The following KIF4A variants were observed in gnomAD, a reference collection of about 807,000 sequenced individuals.
KIF4A encodes the protein chromosome-associated kinesin KIF4A.
A neutral mutation model predicts 105.9 loss-of-function variants in KIF4A; 7 were observed. That is an observed-to-expected ratio of 0.07 (90% CI 0.04 to 0.12). KIF4A has a LOEUF of 0.12. Ranked by LOEUF, KIF4A falls within the 10% of genes least tolerant of loss-of-function variation. KIF4A has a pLI of 1.00. For synonymous variants in KIF4A, 281 were observed against 331.3 expected (o/e 0.85, Z 1.65); for missense variants, 558 against 929.2 (o/e 0.60, Z 5.19).
intron 15 of KIF4A, among the ~76,000 whole-genome samples, chrX:70,372,398 C>T (rs2086142395): frequency 8.9e-6 from 1 of 112,950 alleles, no homozygotes; most frequent in Admixed American, 9.3e-5. Flanking sequence ...CCCGGCACCT[C>T]GGGAGGCCGA....
chrX:70,379,890 T>C (rs2086190665), intron 18 of KIF4A, among the ~76,000 whole-genome samples: 1 of 111,061 alleles, frequency 9.0e-6, no homozygotes, highest in Admixed American at 9.6e-5. Context: ...ATGAGGTTTG[T>C]GTTCCCTGAT....
intron 6 of KIF4A, 61 bp downstream of exon 6, chrX:70,302,127 G>T: frequency 8.7e-7 from 1 of 1,143,433 alleles, no homozygotes; most frequent in Non-Finnish European, 1.2e-6. Flanking sequence ...TTAAACATTA[G>T]ACTGCTTCTT....
Position 70,290,650 on chromosome X carries a change from T to G in KIF4A, c.121-41T>G. The G allele has an allele frequency of 4.1e-6, 5 of 1,205,727 alleles. No individual in the cohort carries two copies. In the African/African-American group the frequency reaches 8.7e-5, roughly 21 times the overall value. Reference sequence around the variant, plus strand: ...TGGTAACGAGGGGTGTGGTCTTGCCTTTCATTTTTAACCTTACGCCTTGTC... The same window carrying G: ...TGGTAACGAGGGGTGTGGTCTTGCCGTTCATTTTTAACCTTACGCCTTGTC... On this transcript the variant is annotated intron_variant, in intron 2 of 30. Transcript: ENST00000374403.
At chrX:70,302,702 G>A (rs1226024971) in intron 7 of KIF4A, among the ~76,000 whole-genome samples, 1 of 111,631 alleles carries the variant, frequency 9.0e-6, no homozygotes, top group Non-Finnish European at 1.9e-5. Flanking sequence ...TCCTGATTCT[G>A]TCATTTTAAG....
chrX:70,315,681 C>T (rs913378033), intron 7 of KIF4A, among the ~76,000 whole-genome samples: 2 of 111,778 alleles, frequency 1.8e-5, no homozygotes, highest in Non-Finnish European at 3.8e-5. Context: ...AGCTAGCAGG[C>T]GTATTGCCAG....
intron 20 of KIF4A, among the ~76,000 whole-genome samples, chrX:70,394,419 G>C (rs965669971): frequency 1.8e-5 from 2 of 110,943 alleles, no homozygotes; most frequent in Non-Finnish European, 3.8e-5. Context: ...GCTCAGGCTG[G>C]TCTTGAACTA....
chrX:70,329,092 A>G (rs894649193), intron 7 of KIF4A, among the ~76,000 whole-genome samples: 1 of 112,060 alleles, frequency 8.9e-6, no homozygotes, highest in Non-Finnish European at 1.9e-5. Flanking sequence ...TAATTTAAAG[A>G]TTATCATAAT....
At chrX:70,415,286 T>C (rs2086338558) in intron 28 of KIF4A, 1 of 250,332 alleles carries the variant, frequency 4.0e-6, no homozygotes, top group Non-Finnish European at 7.4e-6. Context: ...TGTAAGACAA[T>C]TTCTTGTTTG....
intron 3 of KIF4A, among the ~76,000 whole-genome samples, chrX:70,292,351 A>G (rs1396363700): frequency 8.9e-6 from 1 of 112,485 alleles, no homozygotes; most frequent in Non-Finnish European, 1.9e-5. Flanking sequence ...ATTCTAAAAC[A>G]GTTCTTTAGT....
chrX:70,336,173 G>T (rs752668803), intron 10 of KIF4A, among the ~76,000 whole-genome samples: 67 of 112,051 alleles, frequency 6.0e-4, no homozygotes, highest in African/African-American at 2.1e-3. Flanking sequence ...TACCAGTTCA[G>T]AGAAGTCTTC....
chrX:70,324,042 G>C (rs1225212817), intron 7 of KIF4A, among the ~76,000 whole-genome samples: 1 of 110,876 alleles, frequency 9.0e-6, no homozygotes, highest in Non-Finnish European at 1.9e-5. Flanking sequence ...TGACCAGGCT[G>C]GTTTTGAACT....
At chrX:70,321,218 G>C (rs2085888772) in intron 7 of KIF4A, among the ~76,000 whole-genome samples, 1 of 111,486 alleles carries the variant, frequency 9.0e-6, no homozygotes, top group Admixed American at 9.5e-5. Context: ...TCTGGTCTTT[G>C]CACACTTTCA....
chrX:70,375,362 A>G lies in KIF4A; in HGVS notation c.1923+14A>G. 8.4e-7 allele frequency: 1 copy of G among 1,192,953 alleles called. No homozygotes were observed. On this transcript the variant is annotated intron_variant, in intron 17 of 30. Transcript: ENST00000374403. ...CAGGAGATACGGGTAATAAATTCTC[A>G]TCCTTGCATTTACCCCCATTGGAAT...
intron 11 of KIF4A, 96 bp from the exon 12 acceptor site, chrX:70,343,607 C>T: frequency 2.7e-6 from 2 of 748,033 alleles, no homozygotes; most frequent in Non-Finnish European, 4.1e-6. Flanking sequence ...AGGAGACAGC[C>T]TCTCTACCTA....
chrX:70,372,644 A>G (rs1320145767), intron 15 of KIF4A, among the ~76,000 whole-genome samples: 2 of 112,883 alleles, frequency 1.8e-5, no homozygotes, highest in Non-Finnish European at 3.8e-5. Context: ...AAAGAGAGGG[A>G]GAGGGAGACC....
chrX:70,387,368 T>C, intron 20 of KIF4A, 71 bp downstream of exon 20: 1 of 779,971 alleles, frequency 1.3e-6, no homozygotes, highest in South Asian at 2.8e-5. Context: ...ATAGCTTTTT[T>C]TTTTTCCTTT....
rs146774372 is a variant in KIF4A at position 70,416,194 on chromosome X, G to A, written c.3256-1694G>A. 1.2e-3 allele frequency among the ~76,000 whole-genome samples: 134 copies of A among 109,597 alleles called. 1 individual carries two copies. Among genetic ancestry groups the A allele is most frequent in the African/African-American group, 4.2e-3 (126 of 30,174 alleles). On this transcript the variant is annotated intron_variant, in intron 28 of 30. Transcript: ENST00000374403. ...GATGCATTATTTCAAATGGGATCCA[G>A]TTGAGCCAGGGTACAATGAAATAAT...
chrX:70,359,706 G>A lies in KIF4A; in HGVS notation c.1674+5899G>A, dbSNP rs140811559. 1.6e-3 allele frequency among the ~76,000 whole-genome samples: 176 copies of A among 110,526 alleles called. 1 individual carries two copies. Among genetic ancestry groups the A allele is most frequent in the Middle Eastern group, 4.7e-3 (1 of 214 alleles). On this transcript the variant is annotated intron_variant, in intron 15 of 30. Transcript: ENST00000374403. ...GGCAAAGGTGAAGGGTACTGCACAT[G>A]TCAGCTGAGCTCCCTTTACAGGTTC...
intron 10 of KIF4A, among the ~76,000 whole-genome samples, chrX:70,340,223 T>C (rs2147697140): frequency 8.9e-6 from 1 of 111,970 alleles, no homozygotes; most frequent in African/African-American, 3.2e-5. Context: ...ATAGGGGCTA[T>C]TGGGAGAACT....
Sources: allele counts gnomAD v4.1 joint callset (sites outside exome capture counted in the v4.1 genomes callset), GRCh38; gene constraint gnomAD v4.1.1; transcripts MANE v1.5; gene names NCBI Gene and HGNC (gene_info 2026-07-23, HGNC 2026-07-21).